Variants in SCUBE1 observed in about 807,000 individuals in gnomAD.
The protein encoded by SCUBE1 is signal peptide, CUB domain and EGF like domain containing 1.
SCUBE1 carries 59 observed loss-of-function variants against 124.4 expected under a neutral mutation model. The ratio of observed to expected loss-of-function variants is 0.47; its 90% CI spans 0.38 to 0.59. SCUBE1 has a LOEUF of 0.59. SCUBE1 is among the 20% of genes least tolerant of loss of function. The probability of loss-of-function intolerance (pLI) is 0.00; values close to 1 mark genes in which losing one functional copy is unlikely to be tolerated. For missense variants in SCUBE1, 1,150 were observed against 1,371.2 expected, an observed-to-expected ratio of 0.84 and a Z score of 2.55; for synonymous variants, 545 against 550.9, an observed-to-expected ratio of 0.99 and a Z score of 0.15.
At chr22:43,224,342 A>G (rs545666564) in intron 10 of SCUBE1, among the ~76,000 whole-genome samples, 1 of 152,240 alleles carries the variant, frequency 6.6e-6, no homozygotes, top group Admixed American at 6.5e-5. Flanking sequence ...CTGGCTGGGG[A>G]GCAAGACCTT....
At chr22:43,310,928 ACCTCCAT>A (rs1265129178) in intron 3 of SCUBE1, among the ~76,000 whole-genome samples, 1 of 151,876 alleles carries the variant, frequency 6.6e-6, no homozygotes, top group African/African-American at 2.4e-5. Flanking sequence ...ACTGGCGCAC[ACCTCCAT>A]CCCTGGCTAA....
intron 4 of SCUBE1, among the ~76,000 whole-genome samples, chr22:43,263,975 G>A (rs1923969684): frequency 6.6e-6 from 1 of 152,214 alleles, no homozygotes; most frequent in Non-Finnish European, 1.5e-5. Flanking sequence ...ATCAGCGCCT[G>A]AGTCACACAG....
intron 4 of SCUBE1, among the ~76,000 whole-genome samples, chr22:43,285,034 A>C (rs1925081598): frequency 6.6e-6 from 1 of 152,056 alleles, no homozygotes; most frequent in Non-Finnish European, 1.5e-5. Context: ...ACTTGGGTAA[A>C]CTCATGCAGT....
chr22:43,306,624 T>G lies in SCUBE1; in HGVS notation c.349+13313A>C, dbSNP rs1320587129. Among the ~76,000 whole-genome samples, 3 of 151,392 alleles carry G rather than the reference T, an allele frequency of 2.0e-5. No individual in the cohort carries two copies. The East Asian group carries it at 5.9e-4, about 30-fold the overall frequency. ...CCTGAATGTACAAGCACAGGGAGAG[T>G]GGGAAGGGACGAGCAGGTGAAGGGT... is the stretch of plus-strand genomic sequence containing the variant. On this transcript the variant is annotated intron_variant, in intron 3 of 21. Transcript: ENST00000360835.
intron 6 of SCUBE1, among the ~76,000 whole-genome samples, chr22:43,248,235 A>T (rs1279945931): frequency 6.6e-6 from 1 of 152,150 alleles, no homozygotes; most frequent in Non-Finnish European, 1.5e-5. Flanking sequence ...CTCCATTGGG[A>T]TGGAGTACAG....
At chr22:43,281,464 C>T (rs1361519867) in intron 4 of SCUBE1, among the ~76,000 whole-genome samples, 3 of 108,756 alleles carry the variant, frequency 2.8e-5, no homozygotes, top group African/African-American at 5.5e-5. Flanking sequence ...CTCCCTCAGC[C>T]ACCCTCCTGT....
In SCUBE1 at chr22:43,200,046, C is replaced by A. The variant is rs74856745; in HGVS notation, c.*3951G>T. ...AATGTGGGGCAGAAAGGTCCCCCCA[C>A]GCCTGGGTCCCACCTGACTCCTGGG... On this transcript the variant is annotated 3_prime_UTR_variant, in exon 22 of 22. Coordinates refer to ENST00000360835, the MANE Select transcript of SCUBE1 (RefSeq NM_173050.5). The A allele has an allele frequency of 0.07, 10,702 of 152,368 alleles. 404 individuals carry two copies. The highest frequency in any genetic ancestry group is 0.12 in the South Asian group (581 of 4,834). 9.4% of individuals were successfully genotyped at this position (152,368 alleles called of 1,614,324 possible). A position where few individuals can be genotyped will look rare whatever the true frequency, so the allele number is the denominator to read the frequency against.
intron 6 of SCUBE1, among the ~76,000 whole-genome samples, chr22:43,245,822 G>A (rs1923188135): frequency 6.6e-6 from 1 of 152,186 alleles, no homozygotes; most frequent in South Asian, 2.1e-4. Context: ...AATTTGCAAG[G>A]CAAATTATTG....
intron 2 of SCUBE1, among the ~76,000 whole-genome samples, chr22:43,333,014 T>C (rs1041096103): frequency 3.9e-5 from 6 of 152,034 alleles, no homozygotes; most frequent in African/African-American, 1.4e-4. Context: ...AGCTGACAGG[T>C]CCCAGATCCG....
At position 43,197,870 on chromosome 22, in the gene SCUBE1, C is replaced by T. The variant is rs773404124; in HGVS notation, c.*6127G>A. On this transcript the variant is annotated 3_prime_UTR_variant, in exon 22 of 22. Transcript: ENST00000360835. ...GAATGTCACTGAAGTCACCCTGGCC[C>T]GGGATCCTCCTGTTCTCTCCCCTCC... 6.6e-6 allele frequency: 1 copy of T among 152,290 alleles called. No individual in the cohort carries two copies. The highest frequency in any genetic ancestry group is 2.1e-4 in the South Asian group (1 of 4,832). The allele number at this position is 152,290 out of a possible 1,614,324, so 9.4% of individuals were successfully genotyped here. A position where few individuals can be genotyped will look rare whatever the true frequency, so the allele number is the denominator to read the frequency against.
At position 43,221,284 on chromosome 22, in the gene SCUBE1, G is replaced by T; in HGVS notation, c.1438C>A (p.Pro480Thr). ...SGLGPSCSDA[P>T]TTPIKQKARF... Reference sequence around the variant, plus strand: ...GCCTTCTGTTTGATGGGGGTGGTGGGGGCATCTGGGGAAAGCCAAAATTCC... The same window carrying T: ...GCCTTCTGTTTGATGGGGGTGGTGGTGGCATCTGGGGAAAGCCAAAATTCC... Residue 480 changes from proline (P) to threonine (T), a missense_variant, in exon 13 of 22, where the codon CCC becomes ACC. This residue lies in a region of SCUBE1 where 757 missense variants were observed against 840.9 expected (regional missense o/e 0.90). Coordinates refer to ENST00000360835, the MANE Select transcript of SCUBE1 (RefSeq NM_173050.5). 6.2e-7 allele frequency: 1 copy of T among 1,608,110 alleles called. No individual in the cohort carries two copies.
intron 3 of SCUBE1, among the ~76,000 whole-genome samples, chr22:43,291,951 G>A (rs188082146): frequency 2.7e-3 from 415 of 152,194 alleles, no homozygotes; most frequent in Middle Eastern, 0.014. Flanking sequence ...AAACCCGGTG[G>A]TCTGACCCTG....
chr22:43,289,139 G>A (rs374954314), intron 4 of SCUBE1, among the ~76,000 whole-genome samples: 82 of 152,336 alleles, frequency 5.4e-4, no homozygotes, highest in African/African-American at 1.8e-3. Flanking sequence ...GGAGGCTCAC[G>A]CCACCCTGGC....
At chr22:43,339,890 A>G (rs72487670) in intron 1 of SCUBE1, among the ~76,000 whole-genome samples, 119 of 44,298 alleles carry the variant, frequency 2.7e-3, no homozygotes, top group East Asian at 8.0e-3. Flanking sequence ...CATCACTCCA[A>G]CCCTCCCCTA....
intron 14 of SCUBE1, among the ~76,000 whole-genome samples, chr22:43,218,938 ACCT>A (rs1307107168): frequency 1.3e-5 from 2 of 151,570 alleles, no homozygotes; most frequent in African/African-American, 2.4e-5. Context: ...CTTCCTGGAC[ACCT>A]CCTCCTCTCT....
At chr22:43,282,680 C>T (rs895018722) in intron 4 of SCUBE1, 4 of 151,840 alleles carry the variant, frequency 2.6e-5, no homozygotes, top group South Asian at 2.1e-4. Flanking sequence ...GCCACCTGCT[C>T]TTGCAGGCTT....
Position 43,198,845 on chromosome 22 carries a change from TG to T in SCUBE1, c.*5151del. The T allele has an allele frequency of 9.9e-6, 4 of 403,934 alleles. No individual in the cohort carries two copies. The highest frequency in any genetic ancestry group is 7.3e-5 in the South Asian group (4 of 54,750). The allele number at this position is 403,934 out of a possible 1,614,324, so 25.0% of individuals were successfully genotyped here. A position where few individuals can be genotyped will look rare whatever the true frequency, so the allele number is the denominator to read the frequency against. On this transcript the variant is annotated 3_prime_UTR_variant, in exon 22 of 22. Transcript: ENST00000360835. ...GCAGGGTGTCTGTCTATCTGCTGTCTGGGGAAGTGTGTCTGTCTGTCTGCTG... is the reference window on the plus strand; with the variant it reads ...GCAGGGTGTCTGTCTATCTGCTGTCTGGGAAGTGTGTCTGTCTGTCTGCTG...
intron 3 of SCUBE1, among the ~76,000 whole-genome samples, chr22:43,306,300 A>G (rs1925967654): frequency 6.6e-6 from 1 of 152,014 alleles, no homozygotes; most frequent in African/African-American, 2.4e-5. Context: ...ACACTTATTT[A>G]TTTATTTATT....
chr22:43,227,279 G>T (rs187604967), intron 10 of SCUBE1, 95 bp downstream of exon 10: 10 of 1,397,388 alleles, frequency 7.2e-6, no homozygotes, highest in African/African-American at 2.8e-5. Context: ...AAAGGGAGGG[G>T]CTGTCCTGCT....
Sources: gnomAD v4.1 joint callset for allele counts (sites outside exome capture counted in the v4.1 genomes callset) on GRCh38, gnomAD v4.1.1 for gene constraint, gnomAD v4.1.1 regional missense constraint, MANE v1.5 for transcripts, NCBI Gene and HGNC (gene_info 2026-07-23, HGNC 2026-07-21) for gene names.